NOXRED1: variants seen among roughly 807,000 people sequenced by gnomAD.
NOXRED1 encodes the protein NADP-dependent oxidoreductase domain-containing protein 1.
In NOXRED1, 20 loss-of-function variants were observed where a neutral mutation model predicts 30.4. That is an observed-to-expected ratio of 0.66 (90% CI 0.46 to 0.96). NOXRED1 has a LOEUF of 0.96. NOXRED1 is among the 40% of genes least tolerant of loss of function. NOXRED1 has a pLI of 0.00. For synonymous variants in NOXRED1, 155 were observed against 168.0 expected (o/e 0.92, Z 0.60); for missense variants, 374 against 428.0 (o/e 0.87, Z 1.11).
At chr14:77,403,864 A>C (rs1440699485) in intron 5 of NOXRED1, among the ~76,000 whole-genome samples, 2 of 152,174 alleles carry the variant, frequency 1.3e-5, no homozygotes, top group Non-Finnish European at 2.9e-5. Context: ...TCTCAGTAGC[A>C]ACTCTAGAAG....
chr14:77,418,894 T>C (rs1248254313), intron 1 of NOXRED1, among the ~76,000 whole-genome samples: 2 of 152,170 alleles, frequency 1.3e-5, no homozygotes, highest in Non-Finnish European at 2.9e-5. Context: ...CACAGTATTA[T>C]GTATATGGCT....
At chr14:77,395,920 T>A (rs147519435) in intron 5 of NOXRED1, among the ~76,000 whole-genome samples, 178 of 149,204 alleles carry the variant, frequency 1.2e-3, no homozygotes, top group African/African-American at 4.3e-3. Context: ...TCAATATTTT[T>A]CAAAAGATCA....
At chr14:77,413,751 G>GA (rs1894726568) in intron 2 of NOXRED1, among the ~76,000 whole-genome samples, 183 bp downstream of exon 2, 1 of 152,100 alleles carries the variant, frequency 6.6e-6, no homozygotes, top group Admixed American at 6.6e-5. Flanking sequence ...CATACATGGA[G>GA]AAAAAAAGTC....
intron 5 of NOXRED1, among the ~76,000 whole-genome samples, chr14:77,395,422 G>A (rs951830739): frequency 1.3e-5 from 2 of 151,880 alleles, no homozygotes; most frequent in African/African-American, 4.8e-5. Context: ...TATTTTTCTC[G>A]AATTTAGAAA....
intron 1 of NOXRED1, among the ~76,000 whole-genome samples, chr14:77,417,140 C>CAA (rs879495583): frequency 2.8e-4 from 29 of 104,048 alleles, no homozygotes; most frequent in South Asian, 6.1e-4. Flanking sequence ...CTATTATGGT[C>CAA]AAAAAAAAAA....
intron 2 of NOXRED1, among the ~76,000 whole-genome samples, chr14:77,413,109 A>C (rs1894706020): frequency 6.6e-6 from 1 of 152,100 alleles, no homozygotes; most frequent in Admixed American, 6.6e-5. Flanking sequence ...CATTTAACCC[A>C]TACCTCTCTC....
At chr14:77,412,433 G>A (rs1465565561) in intron 2 of NOXRED1, among the ~76,000 whole-genome samples, 2 of 152,158 alleles carry the variant, frequency 1.3e-5, no homozygotes, top group East Asian at 3.8e-4. Context: ...CCCTGCTAGG[G>A]AGATGCAAGA....
At chr14:77,405,313 T>TA (rs1277721243) in intron 5 of NOXRED1, among the ~76,000 whole-genome samples, 3 of 152,054 alleles carry the variant, frequency 2.0e-5, no homozygotes, top group Non-Finnish European at 4.4e-5. Context: ...TTGAATCACT[T>TA]AAAGCCGGGA....
intron 1 of NOXRED1, among the ~76,000 whole-genome samples, chr14:77,415,585 T>TAG (rs1894789277): frequency 1.4e-5 from 2 of 145,532 alleles, no homozygotes; most frequent in African/African-American, 5.1e-5. Flanking sequence ...AGAAAATACA[T>TAG]ATAGATAGAT....
In NOXRED1 at chr14:77,402,180, ATAAT is replaced by A. The variant is rs551584482; in HGVS notation, c.905+3729_905+3732del. 1.8e-3 allele frequency among the ~76,000 whole-genome samples: 270 copies of A among 152,384 alleles called. 2 individuals are homozygous for A. Among genetic ancestry groups the A allele is most frequent in the African/African-American group, 6.2e-3 (259 of 41,596 alleles). On this transcript the variant is annotated intron_variant, in intron 5 of 5. Transcript: ENST00000380835. ...GAAAAAAACAATTGACAAGGTGGAC[ATAAT>A]TAAAGAATTTAAATAACTAAAACTA... is the stretch of plus-strand genomic sequence containing the variant.
At chr14:77,416,837 C>A (rs1894840059) in intron 1 of NOXRED1, among the ~76,000 whole-genome samples, 1 of 151,038 alleles carries the variant, frequency 6.6e-6, no homozygotes, top group Non-Finnish European at 1.5e-5. Flanking sequence ...GGGGGCTGAC[C>A]CCCCCACCTC....
intron 1 of NOXRED1, among the ~76,000 whole-genome samples, chr14:77,421,235 G>C (rs992187091): frequency 6.6e-6 from 1 of 152,210 alleles, no homozygotes; most frequent in Non-Finnish European, 1.5e-5. Flanking sequence ...AAATGCAGCT[G>C]TTCTTGGATT....
intron 1 of NOXRED1, 125 bp from the exon 2 acceptor site, chr14:77,414,252 A>C: frequency 1.9e-6 from 1 of 528,704 alleles, no homozygotes; most frequent in Non-Finnish European, 3.1e-6. Flanking sequence ...GGTGATCTTG[A>C]CTCACCGCAA....
chr14:77,405,318 C>A (rs1894426967), intron 5 of NOXRED1, among the ~76,000 whole-genome samples: 1 of 149,532 alleles, frequency 6.7e-6, no homozygotes, highest in Non-Finnish European at 1.5e-5. Flanking sequence ...TCACTTAAAG[C>A]CGGGAGGCAG....
At chr14:77,411,918 C>T (rs910575547) in intron 2 of NOXRED1, among the ~76,000 whole-genome samples, 1 of 151,854 alleles carries the variant, frequency 6.6e-6, no homozygotes, top group Non-Finnish European at 1.5e-5. Flanking sequence ...ATGGTGAAAC[C>T]CCGTCTCTAC....
At chr14:77,419,788 A>G (rs557390990) in intron 1 of NOXRED1, among the ~76,000 whole-genome samples, 10 of 152,048 alleles carry the variant, frequency 6.6e-5, no homozygotes, top group African/African-American at 1.9e-4. Context: ...CACTTTGAAT[A>G]TATCAAGCAC....
chr14:77,416,402 C>T (rs918674350), intron 1 of NOXRED1, among the ~76,000 whole-genome samples: 3 of 152,134 alleles, frequency 2.0e-5, no homozygotes, highest in African/African-American at 2.4e-5. Flanking sequence ...GTGGTGATGA[C>T]TCTTAAGGAG....
At chr14:77,411,515 A>T (rs1894652483) in intron 2 of NOXRED1, among the ~76,000 whole-genome samples, 1 of 151,762 alleles carries the variant, frequency 6.6e-6, no homozygotes, top group South Asian at 2.1e-4. Flanking sequence ...CAAACAAATT[A>T]TGCAGTGTGA....
At chr14:77,396,819 G>C (rs1308225965) in intron 5 of NOXRED1, among the ~76,000 whole-genome samples, 1 of 152,140 alleles carries the variant, frequency 6.6e-6, no homozygotes, top group Admixed American at 6.5e-5. Flanking sequence ...ATATTAATGA[G>C]TGGGAAAACT....
Sources: gnomAD v4.1 joint callset for allele counts (sites outside exome capture counted in the v4.1 genomes callset) on GRCh38, gnomAD v4.1.1 for gene constraint, MANE v1.5 for transcripts, NCBI Gene and HGNC (gene_info 2026-07-23, HGNC 2026-07-21) for gene names.